The following VGLL4 variants were observed in gnomAD, a reference collection of about 807,000 sequenced individuals.
VGLL4 encodes the protein transcription cofactor vestigial-like protein 4.
A neutral mutation model predicts 21.0 loss-of-function variants in VGLL4; 7 were observed. That is an observed-to-expected ratio of 0.33 (90% CI 0.19 to 0.63). The LOEUF is 0.63. Among genes scored for constraint, VGLL4 ranks in the 20% least tolerant of loss-of-function variants. The pLI, the probability that VGLL4 is intolerant of heterozygous loss-of-function variation, is 0.78. For synonymous variants in VGLL4, 222 were observed against 173.2 expected (o/e 1.28, Z -2.21); for missense variants, 394 against 425.7 (o/e 0.93, Z 0.66).
At chr3:11,640,308 G>A (rs1192571459) in intron 1 of VGLL4, among the ~76,000 whole-genome samples, 2 of 152,160 alleles carry the variant, frequency 1.3e-5, no homozygotes, top group African/African-American at 4.8e-5. Flanking sequence ...CGCCAGTCTA[G>A]TAAGGTATTC....
chr3:11,647,857 C>G (rs976971957), upstream of VGLL4, among the ~76,000 whole-genome samples: 1 of 152,152 alleles, frequency 6.6e-6, no homozygotes, highest in Non-Finnish European at 1.5e-5. Flanking sequence ...ATCCCTACTT[C>G]CAGCACACTC....
At chr3:11,626,835 G>C (rs571177350) in intron 1 of VGLL4, among the ~76,000 whole-genome samples, 47 of 151,974 alleles carry the variant, frequency 3.1e-4, no homozygotes, top group Middle Eastern at 6.8e-3. Flanking sequence ...GCCCTCTAAA[G>C]AGCTCTAGGA....
intron 2 of VGLL4, among the ~76,000 whole-genome samples, chr3:11,662,105 C>A (rs2076046949): frequency 6.6e-6 from 1 of 152,168 alleles, no homozygotes; most frequent in South Asian, 2.1e-4. Flanking sequence ...GAAACATTCT[C>A]CCTGGCTAAC....
At chr3:11,688,905 C>T (rs2076487009) in intron 2 of VGLL4, among the ~76,000 whole-genome samples, 1 of 151,990 alleles carries the variant, frequency 6.6e-6, no homozygotes, top group Non-Finnish European at 1.5e-5. Context: ...GTAATCCCAG[C>T]TACTCGGGAG....
In VGLL4 at chr3:11,695,796, C is replaced by T. The variant is rs144507738; in HGVS notation, c.64+7175G>A. Reference sequence around the variant, plus strand: ...AGCCACTCTTATGGATGAAAATGCACGGCACACCCCTCTGGTATTTTAGGA... The same window carrying T: ...AGCCACTCTTATGGATGAAAATGCATGGCACACCCCTCTGGTATTTTAGGA... On this transcript the variant is annotated intron_variant, in intron 2 of 5. Transcript: ENST00000273038. Among the ~76,000 whole-genome samples, 12 of 152,218 alleles carry T rather than the reference C, an allele frequency of 7.9e-5. No individual in the cohort carries two copies. The East Asian group carries it at 1.4e-3, about 17-fold the overall frequency.
chr3:11,641,471 CGT>C (rs1310701533), intron 1 of VGLL4, among the ~76,000 whole-genome samples: 3 of 152,194 alleles, frequency 2.0e-5, no homozygotes, highest in Non-Finnish European at 4.4e-5. Flanking sequence ...AAAAAAATCC[CGT>C]GTGTGATTTA....
At chr3:11,667,392 C>A (rs1029814733) in intron 2 of VGLL4, among the ~76,000 whole-genome samples, 19 of 152,336 alleles carry the variant, frequency 1.2e-4, no homozygotes, top group African/African-American at 4.3e-4. Flanking sequence ...TTTAGCATGT[C>A]ACCTTCTACC....
At chr3:11,663,551 C>T (rs2125357598) in intron 2 of VGLL4, among the ~76,000 whole-genome samples, 1 of 152,122 alleles carries the variant, frequency 6.6e-6, no homozygotes, top group East Asian at 2.0e-4. Context: ...AACCTTGTCT[C>T]TACTAAAAAT....
At chr3:11,600,079 A>G (rs890194206) in intron 2 of VGLL4, among the ~76,000 whole-genome samples, 7 of 152,192 alleles carry the variant, frequency 4.6e-5, no homozygotes, top group African/African-American at 1.4e-4. Flanking sequence ...CATCATAACC[A>G]GTATCTGAAC....
Position 11,629,613 on chromosome 3 carries a change from G to T in VGLL4, c.82+13824C>A, listed in dbSNP as rs531652565. Among the ~76,000 whole-genome samples, 5 of 152,196 alleles carry T rather than the reference G, an allele frequency of 3.3e-5. No individual in the cohort carries two copies. In the East Asian group the frequency reaches 9.7e-4, roughly 29 times the overall value. ...ACACATAAAATTAGCCAGTTGTGGT[G>T]GCAAGCGCCTGTAATCCCACCTACT... On this transcript the variant is annotated intron_variant, in intron 1 of 4. Coordinates refer to ENST00000430365, the MANE Select transcript of VGLL4 (RefSeq NM_001128219.3).
intron 1 of VGLL4, among the ~76,000 whole-genome samples, chr3:11,714,627 ATC>A (rs919690113): frequency 3.3e-5 from 5 of 151,980 alleles, no homozygotes; most frequent in Non-Finnish European, 5.9e-5. Flanking sequence ...GATATTATGA[ATC>A]TCTCTCTCTT....
At chr3:11,571,538 G>A (rs1435393496) in intron 2 of VGLL4, among the ~76,000 whole-genome samples, 1 of 150,700 alleles carries the variant, frequency 6.6e-6, no homozygotes. Context: ...ACAAAAATTA[G>A]CTGGGCATGG....
intron 2 of VGLL4, among the ~76,000 whole-genome samples, chr3:11,580,005 A>G (rs1451159680): frequency 6.6e-6 from 1 of 152,218 alleles, no homozygotes; most frequent in Admixed American, 6.5e-5. Context: ...GAAGTTGGTC[A>G]TCACAGTTTT....
chr3:11,657,906 T>C (rs73814975), intron 2 of VGLL4, among the ~76,000 whole-genome samples: 2,515 of 152,288 alleles, frequency 0.017, 79 homozygotes, highest in African/African-American at 0.057. Context: ...CTTCTCCATT[T>C]TCTCAGTAAA....
chr3:11,563,622 C>T (rs1400274446), intron 3 of VGLL4, among the ~76,000 whole-genome samples: 1 of 152,344 alleles, frequency 6.6e-6, no homozygotes. Flanking sequence ...AAATGAACAG[C>T]AGTGATAACT....
Position 11,558,525 on chromosome 3 carries a change from G to C in VGLL4, c.*31C>G, listed in dbSNP as rs1455796620. 1.4e-6 allele frequency: 2 copies of C among 1,409,950 alleles called. No individual in the cohort carries two copies. Among genetic ancestry groups the C allele is most frequent in the Non-Finnish European group, 9.4e-7 (1 of 1,062,052 alleles). 87.3% of individuals were successfully genotyped at this position (1,409,950 alleles called of 1,614,324 possible). ...GTTCAAAGCTCAGGCAAACCATGCAGATCCACGTGTTGTTGGAGGAGGCGC... is the reference window on the plus strand; with the variant it reads ...GTTCAAAGCTCAGGCAAACCATGCACATCCACGTGTTGTTGGAGGAGGCGC... On this transcript the variant is annotated 3_prime_UTR_variant, in exon 5 of 5. Coordinates refer to ENST00000430365, the MANE Select transcript of VGLL4 (RefSeq NM_001128219.3).
intron 1 of VGLL4, among the ~76,000 whole-genome samples, chr3:11,706,717 T>C (rs888990389): frequency 3.3e-5 from 5 of 152,180 alleles, no homozygotes; most frequent in Non-Finnish European, 5.9e-5. Context: ...TGTTTCTGTA[T>C]ACTTCCTAGG....
chr3:11,687,655 A>C (rs551730264), intron 2 of VGLL4, among the ~76,000 whole-genome samples: 1 of 152,308 alleles, frequency 6.6e-6, no homozygotes, highest in Admixed American at 6.5e-5. Context: ...CAAGAGAACA[A>C]AGATAATATT....
intron 1 of VGLL4, among the ~76,000 whole-genome samples, chr3:11,623,687 C>T (rs1487672326): frequency 6.6e-6 from 1 of 151,910 alleles, no homozygotes; most frequent in Non-Finnish European, 1.5e-5. Context: ...AAAGGCTCTG[C>T]TGAGCTCATA....
Sources: gnomAD v4.1 joint callset for allele counts (sites outside exome capture counted in the v4.1 genomes callset) on GRCh38, gnomAD v4.1.1 for gene constraint, MANE v1.5 for transcripts, NCBI Gene and HGNC (gene_info 2026-07-23, HGNC 2026-07-21) for gene names.